Variants in CXADR observed in about 807,000 individuals in gnomAD.
The protein encoded by CXADR is CXADR cell adhesion molecule, also known as coxsackievirus and adenovirus receptor.
A neutral mutation model predicts 40.3 loss-of-function variants in CXADR; 20 were observed. That is an observed-to-expected ratio of 0.50 (90% CI 0.35 to 0.72). CXADR has a LOEUF of 0.72. CXADR is among the 30% of genes least tolerant of loss of function. The pLI is 0.01. For synonymous variants in CXADR, 150 were observed against 161.3 expected (o/e 0.93, Z 0.53); for missense variants, 332 against 449.1 (o/e 0.74, Z 2.36).
the CXADR span, among the ~76,000 whole-genome samples, chr21:17,606,346 C>T: frequency 6.6e-6 from 1 of 152,080 alleles, no homozygotes; most frequent in Non-Finnish European, 1.5e-5. Flanking sequence ...TAATACTCAA[C>T]CCTGTATATA....
At chr21:17,600,999 T>C in the CXADR span, among the ~76,000 whole-genome samples, 1 of 152,006 alleles carries the variant, frequency 6.6e-6, no homozygotes, top group Non-Finnish European at 1.5e-5. Flanking sequence ...CTGTCTCTAC[T>C]AAAAATACAA....
downstream of CXADR, chr21:17,594,468 A>G (rs2061478034): frequency 9.8e-7 from 1 of 1,025,356 alleles, no homozygotes. Context: ...TGTCAGGTCT[A>G]AATACATTAA....
intron 1 of CXADR, chr21:17,530,522 C>T: frequency 2.3e-6 from 1 of 437,692 alleles, no homozygotes; most frequent in East Asian, 7.5e-5. Flanking sequence ...TATGAAATAA[C>T]TACTGTGAAG....
At chr21:17,602,238 T>C in the CXADR span, among the ~76,000 whole-genome samples, 1 of 152,222 alleles carries the variant, frequency 6.6e-6, no homozygotes, top group Non-Finnish European at 1.5e-5. Context: ...AGGCAAGATT[T>C]ATTTTCTATT....
chr21:17,566,330 C>T lies in CXADR; in HGVS notation c.*638C>T, dbSNP rs1178636112. 2.0e-6 allele frequency: 2 copies of T among 983,506 alleles called. No individual in the cohort carries two copies. Among genetic ancestry groups the T allele is most frequent in the African/African-American group, 1.7e-5 (1 of 57,208 alleles). The allele number at this position is 983,506 out of a possible 1,614,324, so 60.9% of individuals were successfully genotyped here. On this transcript the variant is annotated 3_prime_UTR_variant, in exon 7 of 7. Transcript: ENST00000284878. ...ACTTCTTAAATATTTAGTTGATAGA[C>T]TGCTACAGGTAATAGGGACTTAGCA... is the stretch of plus-strand genomic sequence containing the variant.
At chr21:17,580,927 C>CT (rs1311411940) in intron 7 of CXADR, among the ~76,000 whole-genome samples, 1 of 152,024 alleles carries the variant, frequency 6.6e-6, no homozygotes, top group Admixed American at 6.6e-5. Context: ...ATCTTTAATT[C>CT]TTTTGTAGGG....
downstream of CXADR, among the ~76,000 whole-genome samples, chr21:17,595,090 TA>T (rs1202255542): frequency 6.6e-5 from 10 of 152,074 alleles, no homozygotes; most frequent in East Asian, 1.9e-3. Flanking sequence ...AGAGGCCAGG[TA>T]TTTTGACAAA....
intron 1 of CXADR, among the ~76,000 whole-genome samples, chr21:17,527,547 A>T (rs1241326748): frequency 1.3e-5 from 2 of 152,134 alleles, no homozygotes; most frequent in Admixed American, 1.3e-4. Context: ...CCATTCTAGT[A>T]CTCTTGGCAA....
At chr21:17,598,247 C>A (rs563268843), downstream of CXADR, among the ~76,000 whole-genome samples, 1 of 151,726 alleles carries the variant, frequency 6.6e-6, no homozygotes, top group African/African-American at 2.4e-5. Context: ...AATCATGGAA[C>A]GGGAGAGAAT....
At chr21:17,527,907 A>G (rs1343437024) in intron 1 of CXADR, among the ~76,000 whole-genome samples, 1 of 150,424 alleles carries the variant, frequency 6.6e-6, no homozygotes, top group Non-Finnish European at 1.5e-5. Context: ...TCAGCTTCAC[A>G]TTCACCCCCT....
the CXADR span, chr21:17,613,156 C>T: frequency 1.3e-5 from 2 of 152,284 alleles, no homozygotes; most frequent in Non-Finnish European, 2.9e-5. Flanking sequence ...GGGCTTCCCT[C>T]CCCGGCAAAA....
chr21:17,520,094 A>G (rs1258715777), intron 1 of CXADR, among the ~76,000 whole-genome samples: 1 of 152,050 alleles, frequency 6.6e-6, no homozygotes, highest in Non-Finnish European at 1.5e-5. Context: ...CTGCGTAACT[A>G]TTCAACTTCC....
rs1009782432 is a variant in CXADR at position 17,569,248 on chromosome 21, G to A, written c.*3556G>A. On this transcript the variant is annotated 3_prime_UTR_variant, in exon 7 of 7. Transcript: ENST00000284878. Reference sequence around the variant, plus strand: ...TAGGGCTTTCAGATGCCTTATTCCAGTGTGAACAGAAAAAGTTCATATTTT... The same window carrying A: ...TAGGGCTTTCAGATGCCTTATTCCAATGTGAACAGAAAAAGTTCATATTTT... The A allele has an allele frequency of 4.1e-6, 4 of 985,206 alleles. No individual in the cohort carries two copies. Among genetic ancestry groups the A allele is most frequent in the Non-Finnish European group, 4.8e-6 (4 of 829,928 alleles). The allele number at this position is 985,206 out of a possible 1,614,324, so 61.0% of individuals were successfully genotyped here. A position where few individuals can be genotyped will look rare whatever the true frequency, so the allele number is the denominator to read the frequency against.
chr21:17,634,702 G>A, the CXADR span, among the ~76,000 whole-genome samples: 14 of 152,214 alleles, frequency 9.2e-5, no homozygotes, highest in Non-Finnish European at 1.0e-4. Flanking sequence ...ATAATGAGTG[G>A]TAGAGATGTG....
chr21:17,604,993 T>C, the CXADR span: 2 of 1,613,902 alleles, frequency 1.2e-6, no homozygotes, highest in Non-Finnish European at 1.7e-6. Context: ...TTGACACGAA[T>C]ACATCTACAA....
chr21:17,596,915 A>G (rs2061511716), downstream of CXADR, among the ~76,000 whole-genome samples: 1 of 152,134 alleles, frequency 6.6e-6, no homozygotes, highest in Non-Finnish European at 1.5e-5. Flanking sequence ...AAAACAGTAG[A>G]GAACAAAAAT....
chr21:17,596,893 G>A (rs1040955749), downstream of CXADR, among the ~76,000 whole-genome samples: 1 of 151,936 alleles, frequency 6.6e-6, no homozygotes, highest in Non-Finnish European at 1.5e-5. Context: ...CCTCTCTTGG[G>A]ATACCTTTTA....
chr21:17,588,086 G>T (rs2061410262), intron 7 of CXADR, among the ~76,000 whole-genome samples: 1 of 152,060 alleles, frequency 6.6e-6, no homozygotes, highest in South Asian at 2.1e-4. Context: ...CTGTTCGATT[G>T]GTTTATATCT....
downstream of CXADR, among the ~76,000 whole-genome samples, chr21:17,573,444 T>C (rs1489229893): frequency 6.6e-6 from 1 of 152,210 alleles, no homozygotes; most frequent in Non-Finnish European, 1.5e-5. Flanking sequence ...GAGGGTTCTC[T>C]GTTTAACTTT....
Sources: allele counts gnomAD v4.1 joint callset (sites outside exome capture counted in the v4.1 genomes callset), GRCh38; gene constraint gnomAD v4.1.1; transcripts MANE v1.5; gene names NCBI Gene and HGNC (gene_info 2026-07-23, HGNC 2026-07-21).